The following GPATCH8 variants were observed in gnomAD, a reference collection of about 807,000 sequenced individuals.
GPATCH8 encodes the protein G-patch domain containing 8.
A neutral mutation model predicts 118.3 loss-of-function variants in GPATCH8; 18 were observed. That is an observed-to-expected ratio of 0.15 (90% CI 0.11 to 0.23). The LOEUF (loss-of-function observed/expected upper bound fraction) is 0.23, where lower values mean the gene tolerates loss of function less well. Among genes scored for constraint, GPATCH8 ranks in the 10% least tolerant of loss-of-function variants. GPATCH8 has a pLI of 1.00. For synonymous variants in GPATCH8, 659 were observed against 684.7 expected (o/e 0.96, Z 0.59); for missense variants, 1,631 against 1,873.8 (o/e 0.87, Z 2.39).
At chr17:44,488,424 A>C (rs2144454507) in intron 1 of GPATCH8, among the ~76,000 whole-genome samples, 1 of 151,506 alleles carries the variant, frequency 6.6e-6, no homozygotes, top group Admixed American at 6.6e-5. Context: ...GCTGGCGTGC[A>C]GTGGCATGAT....
At chr17:44,404,898 G>A (rs1176381461) in intron 7 of GPATCH8, among the ~76,000 whole-genome samples, 1 of 152,122 alleles carries the variant, frequency 6.6e-6, no homozygotes, top group African/African-American at 2.4e-5. Flanking sequence ...AAGTAGAACA[G>A]AGGATACTAG....
intron 1 of GPATCH8, among the ~76,000 whole-genome samples, chr17:44,484,857 A>G (rs1968651015): frequency 6.6e-6 from 1 of 152,078 alleles, no homozygotes; most frequent in Admixed American, 6.6e-5. Flanking sequence ...AACTTTTATT[A>G]TGTATTTGTT....
chr17:44,431,261 C>A (rs770784325), intron 5 of GPATCH8, among the ~76,000 whole-genome samples: 3 of 150,954 alleles, frequency 2.0e-5, no homozygotes, highest in African/African-American at 7.3e-5. Flanking sequence ...GTAATCCCAG[C>A]TACTCAGGAG....
chr17:44,474,594 G>T, intron 2 of GPATCH8: 1 of 611,398 alleles, frequency 1.6e-6, no homozygotes, highest in Non-Finnish European at 2.9e-6. Flanking sequence ...GGGCCAAAAA[G>T]ATATTTTTCC....
rs768240375 is a variant in GPATCH8, at chr17:44,397,691, G to A, written c.4386C>T (p.Leu1462=). The change falls in exon 8 of 8, where the codon CTC becomes CTT. Residue 1462 remains leucine (L), a synonymous_variant. Transcript: ENST00000591680. ...FTFHPVPHAA[L]YPTLLAPRPA... The stretch of plus-strand genomic sequence containing the variant: ...GCCGTGGAGCAAGTAGGGTGGGGTA[G>A]AGGGCAGCATGTGGGACAGGGTGAA... 11 of 1,612,012 alleles carry A rather than the reference G, an allele frequency of 6.8e-6. No homozygotes were observed. In the Admixed American group the frequency reaches 1.0e-4, roughly 15 times the overall value.
chr17:44,480,889 C>CAAAAACA (rs1555646050), intron 1 of GPATCH8, among the ~76,000 whole-genome samples: 3 of 149,932 alleles, frequency 2.0e-5, no homozygotes, highest in African/African-American at 7.4e-5. Flanking sequence ...AAAACAAAAA[C>CAAAAACA]AAAAAAAAAC....
intron 6 of GPATCH8, 132 bp downstream of exon 6, chr17:44,424,217 G>A: frequency 1.4e-6 from 1 of 712,528 alleles, no homozygotes; most frequent in Non-Finnish European, 2.5e-6. Context: ...AAAGTGTGTT[G>A]GATGACTGCA....
intron 7 of GPATCH8, among the ~76,000 whole-genome samples, chr17:44,402,469 G>A (rs1480821051): frequency 6.6e-6 from 1 of 151,444 alleles, no homozygotes; most frequent in Non-Finnish European, 1.5e-5. Context: ...TATTCACATA[G>A]GTTTTATTTC....
chr17:44,398,666 T>C lies in GPATCH8; in HGVS notation c.3411A>G (p.Pro1137=), dbSNP rs1023766325. ...GAAGGACAGGCTTATTGCCAAGAGA[T>C]GGGGGGAGCTTGGGCCCAAAGTAAC... The part of the protein sequence containing the change: ...PQGYFGPKLP[P]SLGNKPVLPL... The change falls in exon 8 of 8, where the codon CCA becomes CCG. Residue 1137 remains proline (P), a synonymous_variant. Transcript: ENST00000591680. The C allele has an allele frequency of 1.9e-6, 3 of 1,567,314 alleles. No homozygotes were observed. Among genetic ancestry groups the C allele is most frequent in the Non-Finnish European group, 2.6e-6 (3 of 1,156,648 alleles).
intron 7 of GPATCH8, among the ~76,000 whole-genome samples, chr17:44,402,568 G>A (rs896511147): frequency 1.3e-5 from 2 of 151,974 alleles, no homozygotes; most frequent in East Asian, 1.9e-4. Context: ...AGGATTGCTC[G>A]AGGCCAGGAG....
In GPATCH8 at chr17:44,400,933, G is replaced by T. The variant is rs748512718; in HGVS notation, c.1144C>A (p.Arg382=). Reference sequence around the variant, plus strand: ...TCTGTAGCCCCAGCTCCTTCTTCTCGTTTCATCCTTTTTAATTTGGATAAT... The same window carrying T: ...TCTGTAGCCCCAGCTCCTTCTTCTCTTTTCATCCTTTTTAATTTGGATAAT... ...STLSKLKRMK[R]EEGAGATEPE... is the part of the protein sequence containing the mutation. The change falls in exon 8 of 8, where the codon CGA becomes AGA. Residue 382 remains arginine, a synonymous_variant. Transcript: ENST00000591680. The T allele has an allele frequency of 6.2e-7, 1 of 1,614,008 alleles. No individual in the cohort carries two copies. Among genetic ancestry groups the T allele is most frequent in the African/African-American group, 1.3e-5 (1 of 75,006 alleles).
At chr17:44,414,584 G>A (rs1005387116) in intron 6 of GPATCH8, among the ~76,000 whole-genome samples, 4 of 152,196 alleles carry the variant, frequency 2.6e-5, no homozygotes, top group African/African-American at 4.8e-5. Flanking sequence ...GTTTACAGGC[G>A]TGAGCCATTG....
intron 1 of GPATCH8, among the ~76,000 whole-genome samples, chr17:44,484,908 G>A (rs1165769673): frequency 6.6e-6 from 1 of 152,012 alleles, no homozygotes; most frequent in East Asian, 1.9e-4. Flanking sequence ...AACCTCCCAG[G>A]CTCAAGTGAT....
chr17:44,430,758 T>C (rs1309406332), intron 5 of GPATCH8, among the ~76,000 whole-genome samples: 2 of 150,616 alleles, frequency 1.3e-5, no homozygotes, highest in Non-Finnish European at 3.0e-5. Flanking sequence ...TTCTCCTGCC[T>C]CAGCCTCCTG....
At chr17:44,404,445 T>C (rs2049144115) in intron 7 of GPATCH8, among the ~76,000 whole-genome samples, 1 of 152,172 alleles carries the variant, frequency 6.6e-6, no homozygotes. Flanking sequence ...GCCCAGCATA[T>C]GCTTTTTAAT....
intron 2 of GPATCH8, among the ~76,000 whole-genome samples, chr17:44,472,737 C>T (rs1414671724): frequency 6.6e-6 from 1 of 152,040 alleles, no homozygotes; most frequent in Non-Finnish European, 1.5e-5. Context: ...GCTCTGTCAC[C>T]CAGGCTAGAG....
intron 6 of GPATCH8, among the ~76,000 whole-genome samples, chr17:44,412,385 A>C (rs1426609921): frequency 6.6e-6 from 1 of 151,814 alleles, no homozygotes; most frequent in Non-Finnish European, 1.5e-5. Flanking sequence ...CTTTCATTTT[A>C]TTTTTTATTT....
At chr17:44,404,180 C>T (rs1205650010) in intron 7 of GPATCH8, among the ~76,000 whole-genome samples, 2 of 152,076 alleles carry the variant, frequency 1.3e-5, no homozygotes, top group Non-Finnish European at 2.9e-5. Flanking sequence ...CTCTATCACC[C>T]AGGCTGGAGT....
intron 2 of GPATCH8, chr17:44,467,287 G>A (rs919303657): frequency 1.0e-5 from 3 of 290,098 alleles, no homozygotes; most frequent in African/African-American, 2.2e-5. Flanking sequence ...CAAGAGCAGC[G>A]TGTTGTGACT....
Sources: allele counts gnomAD v4.1 joint callset (sites outside exome capture counted in the v4.1 genomes callset), GRCh38; gene constraint gnomAD v4.1.1; transcripts MANE v1.5; gene names NCBI Gene and HGNC (gene_info 2026-07-23, HGNC 2026-07-21).